SLC2A7: variants seen among roughly 807,000 people sequenced by gnomAD.
SLC2A7 encodes solute carrier family 2, facilitated glucose transporter member 7.
A neutral mutation model predicts 50.5 loss-of-function variants in SLC2A7; 50 were observed. The ratio of observed to expected loss-of-function variants is 0.99; its 90% CI spans 0.79 to 1.25. SLC2A7 has a LOEUF of 1.25. Among genes scored for constraint, SLC2A7 ranks in the 50% most tolerant of loss-of-function variants. SLC2A7 has a pLI of 0.00. For missense variants in SLC2A7, 683 were observed against 679.1 expected (o/e 1.01, Z -0.06); for synonymous variants, 308 against 300.4 (o/e 1.03, Z -0.26).
rs753784870 is a variant in SLC2A7, at chr1:9,004,828, C to T, written c.1244G>A (p.Arg415Gln). The T allele has an allele frequency of 1.5e-5, 25 of 1,614,096 alleles. No homozygotes were observed. The highest frequency in any genetic ancestry group is 1.7e-4 in the Middle Eastern group (1 of 6,060). ...RTEIFLQSSR[R>Q]AAFMVDGAVH... ...TGCCCCGTCCACCATGAAAGCTGCC[C>T]GCCGGGAGGACTGCAGGAAGATCTC... Residue 415 changes from arginine (R) to glutamine (Q), a missense_variant, in exon 11 of 12, where the codon CGG (arginine) becomes CAG (glutamine). Coordinates refer to ENST00000400906, the MANE Select transcript of SLC2A7 (RefSeq NM_207420.3).
chr1:9,023,838 CTTTTTTTTTTTTT>C (rs1162143987), intron 2 of SLC2A7, among the ~76,000 whole-genome samples: 6 of 17,168 alleles, frequency 3.5e-4, no homozygotes, highest in Admixed American at 2.1e-3. Context: ...TATTCTTCTT[CTTTTTTTTTTTTT>C]TTTTTTTTTT....
intron 1 of SLC2A7, among the ~76,000 whole-genome samples, chr1:9,025,435 G>T (rs756398563): frequency 1.1e-4 from 17 of 152,210 alleles, no homozygotes; most frequent in Non-Finnish European, 2.2e-4. Context: ...GAAAGACAAA[G>T]ATGATAATTC....
chr1:9,009,570 C>G (rs1640712234), intron 9 of SLC2A7, among the ~76,000 whole-genome samples: 1 of 152,226 alleles, frequency 6.6e-6, no homozygotes, highest in South Asian at 2.1e-4. Flanking sequence ...GATCCTCCCA[C>G]CTCAGCTTCC....
At chr1:9,012,853 C>A (rs1056635671) in intron 8 of SLC2A7, among the ~76,000 whole-genome samples, 3 of 152,246 alleles carry the variant, frequency 2.0e-5, no homozygotes, top group African/African-American at 7.2e-5. Flanking sequence ...ATGATTTTTA[C>A]AAAGGAAGAA....
At chr1:9,018,072 G>A (rs1247829120) in intron 5 of SLC2A7, 151 bp downstream of exon 5, 10 of 1,043,310 alleles carry the variant, frequency 9.6e-6, no homozygotes, top group Admixed American at 2.8e-5. Flanking sequence ...AAACAGCCCC[G>A]ACCACGTCAC....
intron 8 of SLC2A7, among the ~76,000 whole-genome samples, chr1:9,012,901 T>C (rs948244798): frequency 3.3e-5 from 5 of 152,152 alleles, no homozygotes; most frequent in Non-Finnish European, 7.4e-5. Flanking sequence ...GTTGTTGTTG[T>C]TTTTGAGACA....
downstream of SLC2A7, among the ~76,000 whole-genome samples, chr1:9,000,545 G>C (rs1640560015): frequency 1.3e-5 from 2 of 150,356 alleles, no homozygotes; most frequent in African/African-American, 4.9e-5. Flanking sequence ...CTTGAATCTG[G>C]GAGGCAGAGG....
chr1:8,999,783 G>T (rs1640550731), downstream of SLC2A7, among the ~76,000 whole-genome samples: 1 of 152,208 alleles, frequency 6.6e-6, no homozygotes, highest in Admixed American at 6.5e-5. Flanking sequence ...CACCTGGGCT[G>T]CCTCAGCCAC....
intron 5 of SLC2A7, among the ~76,000 whole-genome samples, chr1:9,016,866 G>T (rs1167150147): frequency 6.6e-6 from 1 of 152,072 alleles, no homozygotes; most frequent in African/African-American, 2.4e-5. Flanking sequence ...TCCTGTTGGG[G>T]CTTTAAAACA....
chr1:9,023,621 T>A (rs1051399442), intron 2 of SLC2A7, among the ~76,000 whole-genome samples: 2 of 151,536 alleles, frequency 1.3e-5, no homozygotes, highest in Admixed American at 1.3e-4. Context: ...AAAAAAAATT[T>A]ACTTTTGGCT....
At chr1:9,019,387 T>G in intron 3 of SLC2A7, 54 bp from the exon 4 acceptor site, 2 of 1,601,604 alleles carry the variant, frequency 1.2e-6, no homozygotes, top group Non-Finnish European at 1.7e-6. Context: ...GCGGAAGCCC[T>G]CCCAACACCA....
intron 2 of SLC2A7, among the ~76,000 whole-genome samples, chr1:9,023,389 T>C (rs2124267556): frequency 6.6e-6 from 1 of 151,962 alleles, no homozygotes; most frequent in Admixed American, 6.6e-5. Context: ...GGGCAGATCA[T>C]GAAGTCAGGA....
chr1:9,012,496 G>C (rs1640762927), intron 8 of SLC2A7, among the ~76,000 whole-genome samples: 1 of 152,192 alleles, frequency 6.6e-6, no homozygotes, highest in Admixed American at 6.5e-5. Context: ...TAATTTTCCT[G>C]TCAGCCTCTC....
chr1:9,003,226 G>T lies in SLC2A7; in HGVS notation c.*74C>A. 7.0e-7 allele frequency: 1 copy of T among 1,423,928 alleles called. No individual in the cohort carries two copies. Among genetic ancestry groups the T allele is most frequent in the Non-Finnish European group, 9.7e-7 (1 of 1,029,124 alleles). 88.2% of individuals were successfully genotyped at this position (1,423,928 alleles called of 1,614,324 possible). ...AGCCTCCGTGCTATTATCCTCCCCA[G>T]AGCCTGGGGCCGGGAGGCCCATTGT... is the stretch of plus-strand genomic sequence containing the variant. On this transcript the variant is annotated 3_prime_UTR_variant, in exon 12 of 12. Transcript: ENST00000400906.
chr1:9,012,562 C>T (rs1012535161), intron 8 of SLC2A7, among the ~76,000 whole-genome samples: 2 of 152,174 alleles, frequency 1.3e-5, no homozygotes, highest in Non-Finnish European at 2.9e-5. Flanking sequence ...TGAGAGTTTA[C>T]TGGAACTTAA....
At chr1:9,023,356 C>A (rs1640942637) in intron 2 of SLC2A7, among the ~76,000 whole-genome samples, 1 of 152,164 alleles carries the variant, frequency 6.6e-6, no homozygotes, top group Non-Finnish European at 1.5e-5. Flanking sequence ...GCCCGTAATC[C>A]CGGCACTTTG....
At position 9,013,645 on chromosome 1, in the gene SLC2A7, A is replaced by T; in HGVS notation, c.904-10T>A. The T allele has an allele frequency of 1.9e-6, 3 of 1,611,998 alleles. No individual in the cohort carries two copies. The East Asian group carries it at 6.7e-5, about 36-fold the overall frequency. Reference sequence around the variant, plus strand: ...CCGCATAGTAGTTGATCTAAACAAAAACACAGGGCTGTCAGGACAGGCCGG... The same window carrying T: ...CCGCATAGTAGTTGATCTAAACAAATACACAGGGCTGTCAGGACAGGCCGG... On this transcript the variant is annotated splice_polypyrimidine_tract_variant and intron_variant, in intron 7 of 11. Coordinates refer to ENST00000400906, the MANE Select transcript of SLC2A7 (RefSeq NM_207420.3).
chr1:9,014,666 CA>C lies in SLC2A7; in HGVS notation c.903+14del. On this transcript the variant is annotated intron_variant, in intron 7 of 11. Transcript: ENST00000400906. ...TGCTTCATCTGTCTCCCTGCCTGGC[CA>C]CCGTCCCACATACCGCATTGATGCC... The C allele has an allele frequency of 6.4e-7, 1 of 1,551,440 alleles. No individual in the cohort carries two copies. Among genetic ancestry groups the C allele is most frequent in the Non-Finnish European group, 8.7e-7 (1 of 1,147,306 alleles).
Position 9,003,262 on chromosome 1 carries a change from A to C in SLC2A7, c.*38T>G, listed in dbSNP as rs540109225. On this transcript the variant is annotated 3_prime_UTR_variant, in exon 12 of 12. Coordinates refer to ENST00000400906, the MANE Select transcript of SLC2A7 (RefSeq NM_207420.3). ...CGGGAGGCCCATTGTCATAGAAGGA[A>C]GCCTTGAATATGGGCTCCCGTCCTT... 1 of 1,599,532 alleles carries C rather than the reference A, an allele frequency of 6.3e-7. No homozygotes were observed. The highest frequency in any genetic ancestry group is 2.2e-5 in the East Asian group (1 of 44,796).
Sources: allele counts gnomAD v4.1 joint callset (sites outside exome capture counted in the v4.1 genomes callset), GRCh38; gene constraint gnomAD v4.1.1; transcripts MANE v1.5; gene names NCBI Gene and HGNC (gene_info 2026-07-23, HGNC 2026-07-21).